RNF217: variants seen among roughly 807,000 people sequenced by gnomAD.
RNF217 encodes ring finger protein 217.
RNF217 carries 31 observed loss-of-function variants against 57.8 expected under a neutral mutation model. The observed-to-expected ratio is 0.54, with a 90% CI of 0.40 to 0.72. RNF217 has a LOEUF of 0.72. RNF217 is among the 30% of genes least tolerant of loss of function. The pLI is 0.00. For synonymous variants in RNF217, 313 were observed against 294.0 expected (o/e 1.06, Z -0.66); for missense variants, 696 against 708.3 (o/e 0.98, Z 0.20).
At chr6:125,065,668 G>T (rs1787907961) in intron 3 of RNF217, among the ~76,000 whole-genome samples, 2 of 152,114 alleles carry the variant, frequency 1.3e-5, no homozygotes, top group African/African-American at 2.4e-5. Flanking sequence ...TTCCATGTGG[G>T]TGCTGATGGA....
chr6:125,040,387 C>A (rs916422884), intron 1 of RNF217, among the ~76,000 whole-genome samples: 3 of 152,094 alleles, frequency 2.0e-5, no homozygotes, highest in Non-Finnish European at 4.4e-5. Flanking sequence ...CAAGACTAAA[C>A]CAGGAAGAAG....
chr6:125,067,780 A>T (rs756758313), intron 3 of RNF217, among the ~76,000 whole-genome samples: 1 of 152,178 alleles, frequency 6.6e-6, no homozygotes, highest in African/African-American at 2.4e-5. Flanking sequence ...AGAGATAAAG[A>T]TCTACCTTTG....
chr6:125,071,536 G>GTA (rs566500658), intron 3 of RNF217, among the ~76,000 whole-genome samples: 13 of 143,146 alleles, frequency 9.1e-5, no homozygotes, highest in African/African-American at 2.3e-4. Flanking sequence ...GTGTGTGTGT[G>GTA]TATATCTTAT....
chr6:125,064,729 A>T (rs114391862), intron 3 of RNF217, among the ~76,000 whole-genome samples: 2,568 of 152,238 alleles, frequency 0.017, 57 homozygotes, highest in African/African-American at 0.059. Flanking sequence ...TTAATATTTT[A>T]AAATGAGGAC....
intron 3 of RNF217, among the ~76,000 whole-genome samples, chr6:125,064,218 A>G (rs1025164002): frequency 1.3e-5 from 2 of 152,322 alleles, no homozygotes; most frequent in Non-Finnish European, 2.9e-5. Context: ...AGGATAAAAT[A>G]GCTTTTCCCT....
intron 1 of RNF217, among the ~76,000 whole-genome samples, chr6:124,990,519 T>C (rs1182690641): frequency 6.6e-6 from 1 of 152,240 alleles, no homozygotes; most frequent in Non-Finnish European, 1.5e-5. Flanking sequence ...TTTCAGTTGA[T>C]GGCCATTCCA....
rs765208922 is a variant in RNF217 at position 124,962,569 on chromosome 6, A to AGCG, written c.36_38dup (p.Gly13dup). The AGCG allele has an allele frequency of 3.2e-6, 4 of 1,258,170 alleles. No homozygotes were observed. The highest frequency in any genetic ancestry group is 5.9e-5 in the South Asian group (2 of 34,038). The allele number at this position is 1,258,170 out of a possible 1,614,324, so 77.9% of individuals were successfully genotyped here. ...GATGGGCGAGGAGCAGAGCACGGTG[A>AGCG]GCGGCGGCGGCGGGCCCCAGGAGTC... On this transcript the variant is annotated inframe_insertion, in exon 1 of 6. Transcript: ENST00000521654. The surrounding 1 kb of genome is among the most constrained non-coding windows in gnomAD (Gnocchi z 4.6).
chr6:125,026,046 G>A (rs766464650), intron 1 of RNF217, among the ~76,000 whole-genome samples: 101 of 152,268 alleles, frequency 6.6e-4, no homozygotes, highest in African/African-American at 2.2e-3. Context: ...CCATATGATC[G>A]TGGAGACCAT....
intron 1 of RNF217, among the ~76,000 whole-genome samples, chr6:125,018,181 A>G (rs887419672): frequency 1.3e-5 from 2 of 152,202 alleles, no homozygotes; most frequent in African/African-American, 4.8e-5. Flanking sequence ...GTAGAATCAT[A>G]TAATGCCACT....
chr6:124,971,726 T>G (rs557346979), intron 1 of RNF217: 1 of 154,514 alleles, frequency 6.5e-6, no homozygotes, highest in East Asian at 1.9e-4. Flanking sequence ...AGTGCTGAGA[T>G]TACAGGCGTG....
At chr6:125,024,152 A>G (rs1247152433) in intron 1 of RNF217, among the ~76,000 whole-genome samples, 2 of 152,236 alleles carry the variant, frequency 1.3e-5, no homozygotes, top group South Asian at 2.1e-4. Context: ...ACTAAGTAGC[A>G]TTGGAGATCA....
At chr6:125,045,846 G>C (rs972942555) in intron 2 of RNF217, among the ~76,000 whole-genome samples, 4 of 151,660 alleles carry the variant, frequency 2.6e-5, no homozygotes, top group African/African-American at 9.7e-5. Context: ...AGTATAAATG[G>C]TACTCATTCA....
In RNF217 at chr6:124,963,021, G is replaced by A. The variant is rs545215774; in HGVS notation, c.477G>A (p.Lys159=). ...VLGQRRPSLA[K]RQVFCSVYCV... The stretch of plus-strand genomic sequence containing the variant: ...GTCAGCGGCGCCCGTCCCTCGCCAA[G>A]AGACAAGTCTTCTGCTCCGTGTACT... Residue 159 remains lysine (K), a synonymous_variant, in exon 1 of 6, where the codon AAG becomes AAA. Transcript: ENST00000521654. 13 of 1,594,078 alleles carry A rather than the reference G, an allele frequency of 8.2e-6. No homozygotes were observed. Among genetic ancestry groups the A allele is most frequent in the South Asian group, 7.7e-5 (7 of 90,432 alleles).
chr6:125,048,008 G>A (rs1364982398), intron 2 of RNF217: 1 of 315,558 alleles, frequency 3.2e-6, no homozygotes, highest in Non-Finnish European at 6.2e-6. Context: ...CAAAGTTCTA[G>A]CAATGATTCA....
intron 1 of RNF217, among the ~76,000 whole-genome samples, chr6:124,982,778 A>G (rs968886333): frequency 2.6e-5 from 4 of 152,212 alleles, no homozygotes; most frequent in African/African-American, 9.6e-5. Context: ...TATATAATTG[A>G]TACATTTATA....
intron 1 of RNF217, among the ~76,000 whole-genome samples, chr6:125,016,783 AG>A (rs966338289): frequency 3.6e-4 from 37 of 101,618 alleles, no homozygotes; most frequent in Admixed American, 1.2e-3. Context: ...GGGGCCTGTG[AG>A]GGGGTGGGGG....
chr6:125,025,019 G>A (rs1451002895), intron 1 of RNF217, among the ~76,000 whole-genome samples: 8 of 152,118 alleles, frequency 5.3e-5, no homozygotes, highest in Admixed American at 5.2e-4. Context: ...AAGCCTTAAA[G>A]GATAGATGCA....
intron 1 of RNF217, among the ~76,000 whole-genome samples, chr6:125,009,879 A>G (rs914583708): frequency 6.6e-6 from 1 of 152,006 alleles, no homozygotes; most frequent in Non-Finnish European, 1.5e-5. Flanking sequence ...TCAGATTCCC[A>G]TATTGCTTCA....
At chr6:125,075,376 A>C (rs1161697801) in intron 3 of RNF217, among the ~76,000 whole-genome samples, 4 of 152,162 alleles carry the variant, frequency 2.6e-5, no homozygotes, top group Non-Finnish European at 4.4e-5. Flanking sequence ...GTAATTTATA[A>C]AGAAAAGAGG....
Sources: allele counts gnomAD v4.1 joint callset (sites outside exome capture counted in the v4.1 genomes callset), GRCh38; gene constraint gnomAD v4.1.1; non-coding constraint Gnocchi (gnomAD v3.1); transcripts MANE v1.5; gene names NCBI Gene and HGNC (gene_info 2026-07-23, HGNC 2026-07-21).